Variants in MTSS1 observed in about 807,000 individuals in gnomAD.
The protein encoded by MTSS1 is protein MTSS 1.
A neutral mutation model predicts 79.0 loss-of-function variants in MTSS1; 18 were observed. The ratio of observed to expected loss-of-function variants is 0.23; its 90% CI spans 0.16 to 0.34. The LOEUF is 0.34. Ranked by LOEUF, MTSS1 falls within the 10% of genes least tolerant of loss-of-function variation. The probability of loss-of-function intolerance (pLI) is 1.00; values close to 1 mark genes in which losing one functional copy is unlikely to be tolerated. For synonymous variants in MTSS1, 341 were observed against 368.6 expected, an observed-to-expected ratio of 0.93 and a Z score of 0.86; for missense variants, 815 against 986.2, an observed-to-expected ratio of 0.83 and a Z score of 2.33.
intron 3 of MTSS1, among the ~76,000 whole-genome samples, chr8:124,631,868 C>A (rs937162675): frequency 6.6e-6 from 1 of 152,224 alleles, no homozygotes; most frequent in Admixed American, 6.5e-5. Context: ...CCTGTCCACC[C>A]ACTCGGCTCT....
At chr8:124,725,563 GCAAA>G (rs1833579316) in intron 1 of MTSS1, among the ~76,000 whole-genome samples, 1 of 152,092 alleles carries the variant, frequency 6.6e-6, no homozygotes, top group Non-Finnish European at 1.5e-5. Flanking sequence ...TTCCCTCAGA[GCAAA>G]CAGATAGGAG....
chr8:124,621,935 A>G (rs570316804), intron 3 of MTSS1, among the ~76,000 whole-genome samples: 5 of 152,130 alleles, frequency 3.3e-5, no homozygotes, highest in Non-Finnish European at 7.4e-5. Flanking sequence ...CACTTGAACC[A>G]TCCGTTTCAG....
chr8:124,560,787 C>T (rs1380142945), intron 10 of MTSS1, among the ~76,000 whole-genome samples: 2 of 152,124 alleles, frequency 1.3e-5, no homozygotes, highest in Admixed American at 6.5e-5. Flanking sequence ...AGGGTGAGAC[C>T]CTCATTGAAG....
At chr8:124,594,726 A>G (rs1031267947) in intron 3 of MTSS1, among the ~76,000 whole-genome samples, 1 of 152,250 alleles carries the variant, frequency 6.6e-6, no homozygotes, top group African/African-American at 2.4e-5. Context: ...GACAGGAGGC[A>G]GATGACATCC....
intron 10 of MTSS1, chr8:124,558,096 A>G (rs929836732): frequency 1.2e-5 from 6 of 481,694 alleles, no homozygotes; most frequent in Non-Finnish European, 2.2e-5. Context: ...ATAAGCATCT[A>G]TGTTTGACCT....
intron 3 of MTSS1, among the ~76,000 whole-genome samples, chr8:124,658,960 T>C (rs1299693427): frequency 6.6e-6 from 1 of 152,224 alleles, no homozygotes; most frequent in Non-Finnish European, 1.5e-5. Flanking sequence ...GGGCTTTTCT[T>C]TTAGGAGCCT....
intron 3 of MTSS1, among the ~76,000 whole-genome samples, chr8:124,661,370 C>A (rs1356412603): frequency 6.6e-6 from 1 of 151,710 alleles, no homozygotes; most frequent in East Asian, 1.9e-4. Context: ...ACAATTCATG[C>A]CTGCACAACC....
Position 124,557,878 on chromosome 8 carries a change from G to C in MTSS1, c.1036-3C>G. 1 of 1,522,510 alleles carries C rather than the reference G, an allele frequency of 6.6e-7. No individual in the cohort carries two copies. The highest frequency in any genetic ancestry group is 2.0e-5 in the Admixed American group (1 of 51,046). 94.3% of individuals were successfully genotyped at this position (1,522,510 alleles called of 1,614,324 possible). On this transcript the variant is annotated splice_region_variant and splice_polypyrimidine_tract_variant and intron_variant, in intron 10 of 13. Transcript: ENST00000518547. ...TAGTGAGAAAACCCGTTAGACAACT[G>C]GAAACAAACAAAAAAAGGGGGGGGG...
rs1171435785 is a variant in MTSS1, at chr8:124,556,320, C to T, written c.1316G>A (p.Gly439Glu). 6.2e-7 allele frequency: 1 copy of T among 1,614,102 alleles called. No individual in the cohort carries two copies. The highest frequency in any genetic ancestry group is 1.3e-5 in the African/African-American group (1 of 74,954). ...RKEKREPDPN[G>E]GGPTTASGPP... is the part of the protein sequence containing the mutation. ...GCCGCTGGCGGTAGTGGGTCCTCCC[C>T]CGTTGGGGTCCGGTTCTCGCTTCTC... The change falls in exon 12 of 14, where the codon GGG becomes GAG. Residue 439 changes from glycine to glutamate, a missense_variant. Gly to Glu is a moderately conservative substitution (Grantham distance 98, BLOSUM62 -2). This residue lies in a region of MTSS1 where 590 missense variants were observed against 620.8 expected (regional missense o/e 0.95). Transcript: ENST00000518547.
chr8:124,718,803 T>A (rs1184849496), intron 1 of MTSS1, among the ~76,000 whole-genome samples: 3 of 152,222 alleles, frequency 2.0e-5, no homozygotes, highest in Non-Finnish European at 4.4e-5. Context: ...ATGTGTCGTG[T>A]GGCTGCCACC....
rs1483120258 is a variant in MTSS1, at chr8:124,576,537, AAC to A, written c.461-8003_461-8002del. ...TGCTACTTTTACCTCCTTAGCAGCT[AAC>A]AGAGTCTAGCACAGAGGAGGCTTGT... is the stretch of plus-strand genomic sequence containing the variant. On this transcript the variant is annotated intron_variant, in intron 6 of 13. Transcript: ENST00000518547. 2.6e-5 allele frequency among the ~76,000 whole-genome samples: 4 copies of A among 152,220 alleles called. No homozygotes were observed. In the East Asian group the frequency reaches 7.7e-4, roughly 29 times the overall value.
At position 124,691,515 on chromosome 8, in the gene MTSS1, G is replaced by C. The variant is rs549832144; in HGVS notation, c.208+8011C>G. ...ATATATACAGTTTAGATGGTTTCAA[G>C]AGTTGTTTATTTTTTTTTGAGACCA... is the stretch of plus-strand genomic sequence containing the variant. On this transcript the variant is annotated intron_variant, in intron 3 of 13. Transcript: ENST00000518547. Among the ~76,000 whole-genome samples the C allele has an allele frequency of 2.0e-5, 3 of 152,168 alleles. No individual in the cohort carries two copies. The East Asian group carries it at 5.8e-4, about 29-fold the overall frequency.
At chr8:124,563,339 C>T (rs1586824708) in intron 9 of MTSS1, 1 of 302,392 alleles carries the variant, frequency 3.3e-6, no homozygotes, top group Non-Finnish European at 6.3e-6. Context: ...ACCACCAAAA[C>T]GAGGGGAGCT....
At chr8:124,581,270 C>T (rs1829992001) in intron 6 of MTSS1, among the ~76,000 whole-genome samples, 1 of 141,084 alleles carries the variant, frequency 7.1e-6, no homozygotes, top group Admixed American at 7.2e-5. Context: ...CCTAGGCCAC[C>T]TAGTGAGATG....
At chr8:124,695,278 G>T (rs537871961) in intron 3 of MTSS1, among the ~76,000 whole-genome samples, 35 of 151,636 alleles carry the variant, frequency 2.3e-4, no homozygotes, top group African/African-American at 8.2e-4. Context: ...CACTTGCCCA[G>T]AAGAGATGCA....
chr8:124,661,493 C>T (rs936038575), intron 3 of MTSS1, among the ~76,000 whole-genome samples: 1 of 152,176 alleles, frequency 6.6e-6, no homozygotes, highest in African/African-American at 2.4e-5. Context: ...CTCAGGTGAA[C>T]ACAAAAGGAG....
At chr8:124,711,527 TG>T (rs1371339072) in intron 1 of MTSS1, among the ~76,000 whole-genome samples, 2 of 152,128 alleles carry the variant, frequency 1.3e-5, no homozygotes, top group African/African-American at 2.4e-5. Context: ...GCCCCAGGGC[TG>T]CAAAGAGTGG....
At chr8:124,586,009 G>C (rs1563801874) in intron 5 of MTSS1, among the ~76,000 whole-genome samples, 1 of 151,978 alleles carries the variant, frequency 6.6e-6, no homozygotes, top group East Asian at 1.9e-4. Context: ...CACCTCAGAG[G>C]GGCAGTCCAA....
intron 3 of MTSS1, among the ~76,000 whole-genome samples, chr8:124,609,753 T>C (rs962599170): frequency 1.2e-4 from 18 of 152,224 alleles, no homozygotes; most frequent in Admixed American, 3.3e-4. Context: ...GAATTCTCAG[T>C]ATCTAGCAAA....
Sources: allele counts gnomAD v4.1 joint callset (sites outside exome capture counted in the v4.1 genomes callset), GRCh38; gene constraint gnomAD v4.1.1; regional missense constraint gnomAD v4.1.1; transcripts MANE v1.5; gene names NCBI Gene and HGNC (gene_info 2026-07-23, HGNC 2026-07-21).